SLCO3A1: variants seen among roughly 807,000 people sequenced by gnomAD.
SLCO3A1 encodes PGE1 transporter.
Under a neutral mutation model 63.1 loss-of-function variants are expected in SLCO3A1, and 27 were observed. The ratio of observed to expected loss-of-function variants is 0.43; its 90% CI spans 0.32 to 0.59. The LOEUF (loss-of-function observed/expected upper bound fraction) is 0.59. SLCO3A1 is among the 20% of genes least tolerant of loss of function. SLCO3A1 has a pLI of 0.09. For synonymous variants in SLCO3A1, 473 were observed against 409.9 expected (o/e 1.15, Z -1.86); for missense variants, 773 against 945.8 (o/e 0.82, Z 2.40).
chr15:91,937,102 G>T (rs576427177), intron 2 of SLCO3A1, among the ~76,000 whole-genome samples: 1 of 152,324 alleles, frequency 6.6e-6, no homozygotes, highest in South Asian at 2.1e-4. Flanking sequence ...GGTGAAGGGT[G>T]TCAGCTGTGT....
intron 2 of SLCO3A1, among the ~76,000 whole-genome samples, chr15:91,982,777 A>G (rs2046003909): frequency 6.6e-6 from 1 of 152,266 alleles, no homozygotes; most frequent in South Asian, 2.1e-4. Context: ...CACCAGCCCT[A>G]CAGGAGGTGT....
intron 1 of SLCO3A1, among the ~76,000 whole-genome samples, chr15:91,909,679 C>T (rs1250042762): frequency 6.6e-6 from 1 of 152,222 alleles, no homozygotes; most frequent in African/African-American, 2.4e-5. Context: ...GCTCTCCACA[C>T]TGCACTCCCG....
At chr15:92,046,965 C>T (rs1452402025) in intron 2 of SLCO3A1, among the ~76,000 whole-genome samples, 1 of 104,804 alleles carries the variant, frequency 9.5e-6, no homozygotes, top group African/African-American at 3.7e-5. Flanking sequence ...AAAACCATTG[C>T]CTTTGGCCAT....
intron 2 of SLCO3A1, among the ~76,000 whole-genome samples, chr15:91,955,053 C>T (rs1228795042): frequency 6.6e-6 from 1 of 152,092 alleles, no homozygotes; most frequent in Non-Finnish European, 1.5e-5. Context: ...TGTATATATC[C>T]CTTTCATAAG....
At chr15:91,866,134 A>G (rs1165447747) in intron 1 of SLCO3A1, among the ~76,000 whole-genome samples, 1 of 152,234 alleles carries the variant, frequency 6.6e-6, no homozygotes, top group African/African-American at 2.4e-5. Context: ...CGTTAGCTTC[A>G]AACACATCAT....
intron 2 of SLCO3A1, among the ~76,000 whole-genome samples, chr15:91,923,371 T>C (rs905631338): frequency 9.2e-5 from 14 of 152,242 alleles, no homozygotes; most frequent in Admixed American, 7.2e-4. Context: ...ATCCATCTTA[T>C]AGAGCTGAGA....
At chr15:91,960,435 T>C (rs192009945) in intron 2 of SLCO3A1, among the ~76,000 whole-genome samples, 1 of 152,354 alleles carries the variant, frequency 6.6e-6, no homozygotes, top group East Asian at 1.9e-4. Context: ...AGAATAATTC[T>C]GCTCTGAAGG....
intron 2 of SLCO3A1, among the ~76,000 whole-genome samples, chr15:92,086,334 G>T (rs1417399507): frequency 1.3e-5 from 2 of 151,712 alleles, no homozygotes; most frequent in Non-Finnish European, 2.9e-5. Flanking sequence ...ATTTAATTGG[G>T]GTCTAAATTT....
Position 91,942,020 on chromosome 15 carries a change from G to A in SLCO3A1, c.646+25562G>A, listed in dbSNP as rs182348917. 6.6e-6 allele frequency among the ~76,000 whole-genome samples: 1 copy of A among 152,328 alleles called. No individual in the cohort carries two copies. Among genetic ancestry groups the A allele is most frequent in the Admixed American group, 6.5e-5 (1 of 15,310 alleles). On this transcript the variant is annotated intron_variant, in intron 2 of 9. Coordinates refer to ENST00000318445, the MANE Select transcript of SLCO3A1 (RefSeq NM_013272.4). This position sits in a 1 kb window ranked among gnomAD's most constrained non-coding sequence, Gnocchi z 4.1. ...AAATGAGAGAACAGTACAAGGTGGA[G>A]AGTTTGTCATAAGCTTAATTTATTC...
intron 9 of SLCO3A1, among the ~76,000 whole-genome samples, chr15:92,158,414 C>T (rs2048397915): frequency 6.6e-6 from 1 of 152,092 alleles, no homozygotes; most frequent in Non-Finnish European, 1.5e-5. Flanking sequence ...AATATCAAAC[C>T]TGGAACAAAT....
At chr15:92,069,921 A>G (rs867757768) in intron 2 of SLCO3A1, among the ~76,000 whole-genome samples, 1 of 152,236 alleles carries the variant, frequency 6.6e-6, no homozygotes, top group Non-Finnish European at 1.5e-5. Flanking sequence ...GACTTGCTGC[A>G]GTAACTTTTA....
At chr15:92,065,167 C>T (rs182325048) in intron 2 of SLCO3A1, among the ~76,000 whole-genome samples, 1 of 152,316 alleles carries the variant, frequency 6.6e-6, no homozygotes, top group East Asian at 1.9e-4. Flanking sequence ...ACTGCAACCT[C>T]TGCCTTCCGG....
chr15:92,042,964 TAAGAG>T (rs1288367511), intron 2 of SLCO3A1, among the ~76,000 whole-genome samples: 1 of 152,138 alleles, frequency 6.6e-6, no homozygotes, highest in Admixed American at 6.5e-5. Context: ...CATTAGAAGA[TAAGAG>T]AGAGATTCTA....
intron 1 of SLCO3A1, among the ~76,000 whole-genome samples, chr15:91,880,878 A>G (rs1179973087): frequency 2.0e-5 from 3 of 152,106 alleles, no homozygotes; most frequent in Admixed American, 1.3e-4. Flanking sequence ...GTCTCTGTCT[A>G]TGGTTCTCTT....
chr15:91,955,054 C>T (rs1462268588), intron 2 of SLCO3A1, among the ~76,000 whole-genome samples: 2 of 152,130 alleles, frequency 1.3e-5, no homozygotes, highest in Non-Finnish European at 2.9e-5. Flanking sequence ...GTATATATCC[C>T]TTTCATAAGA....
chr15:91,865,243 T>C lies in SLCO3A1; in HGVS notation c.180+11155T>C, dbSNP rs2141845896. ...TGACATTTTATTTAAACTTTTCCTTTTGTAGAGTTCGTAGGACAGTAGGAT... is the reference window on the plus strand; with the variant it reads ...TGACATTTTATTTAAACTTTTCCTTCTGTAGAGTTCGTAGGACAGTAGGAT... On this transcript the variant is annotated intron_variant, in intron 1 of 9. Coordinates refer to ENST00000318445, the MANE Select transcript of SLCO3A1 (RefSeq NM_013272.4). The surrounding 1 kb of genome is among the most constrained non-coding windows in gnomAD (Gnocchi z 4.6). 6.6e-6 allele frequency among the ~76,000 whole-genome samples: 1 copy of C among 152,344 alleles called. No homozygotes were observed. Among genetic ancestry groups the C allele is most frequent in the South Asian group, 2.1e-4 (1 of 4,830 alleles).
intron 2 of SLCO3A1, among the ~76,000 whole-genome samples, chr15:91,986,487 G>A (rs186120909): frequency 1.2e-4 from 18 of 151,944 alleles, no homozygotes; most frequent in Admixed American, 1.2e-3. Context: ...TTTAAAGTAT[G>A]CAGAAAGAAG....
At chr15:92,127,244 A>G (rs766187163) in intron 6 of SLCO3A1, among the ~76,000 whole-genome samples, 3 of 152,200 alleles carry the variant, frequency 2.0e-5, no homozygotes, top group Non-Finnish European at 2.9e-5. Flanking sequence ...CCTGCTATGC[A>G]TAACAGCTGT....
rs556126687 is a variant in SLCO3A1, at chr15:92,057,108, C to T, written c.647-37773C>T. ...ACCCAGCCAGCTGCTCTGCTGTGCC[C>T]GTCTCAGGAAGCCTGGCAGGCACAT... On this transcript the variant is annotated intron_variant, in intron 2 of 9. Coordinates refer to ENST00000318445, the MANE Select transcript of SLCO3A1 (RefSeq NM_013272.4). 1.1e-4 allele frequency among the ~76,000 whole-genome samples: 17 copies of T among 152,296 alleles called. No individual in the cohort carries two copies. In the South Asian group the frequency reaches 3.5e-3, roughly 32 times the overall value.
Sources: allele counts gnomAD v4.1 joint callset (sites outside exome capture counted in the v4.1 genomes callset), GRCh38; gene constraint gnomAD v4.1.1; non-coding constraint Gnocchi (gnomAD v3.1); transcripts MANE v1.5; gene names NCBI Gene and HGNC (gene_info 2026-07-23, HGNC 2026-07-21).